The following IL1RAPL2 variants were observed in gnomAD, a reference collection of about 807,000 sequenced individuals.
IL1RAPL2 encodes the protein X-linked interleukin-1 receptor accessory protein-like 2.
Under a neutral mutation model 44.1 loss-of-function variants are expected in IL1RAPL2, and 3 were observed. That is an observed-to-expected ratio of 0.07 (90% CI 0.03 to 0.18). IL1RAPL2 has a LOEUF of 0.18. IL1RAPL2 is among the 10% of genes least tolerant of loss of function. The probability of loss-of-function intolerance (pLI) is 1.00; values close to 1 mark genes in which losing one functional copy is unlikely to be tolerated. For synonymous variants in IL1RAPL2, 181 were observed against 178.8 expected (o/e 1.01, Z -0.10); for missense variants, 391 against 496.4 (o/e 0.79, Z 2.02).
At chrX:104,976,044 CT>C (rs1394033595) in intron 2 of IL1RAPL2, among the ~76,000 whole-genome samples, 22 of 106,880 alleles carry the variant, frequency 2.1e-4, no homozygotes, top group South Asian at 8.0e-4. Flanking sequence ...CCATTTTCCT[CT>C]TTTTTTTTTA....
At chrX:105,554,103 C>A (rs1468986445) in intron 6 of IL1RAPL2, among the ~76,000 whole-genome samples, 1 of 112,515 alleles carries the variant, frequency 8.9e-6, no homozygotes, top group Non-Finnish European at 1.9e-5. Flanking sequence ...AGGGCCTATT[C>A]ATATTTCTGT....
At chrX:105,510,884 A>T (rs1414053911) in intron 6 of IL1RAPL2, among the ~76,000 whole-genome samples, 1 of 111,899 alleles carries the variant, frequency 8.9e-6, no homozygotes, top group African/African-American at 3.2e-5. Context: ...AGAACTGTGA[A>T]ACAATAAACT....
At chrX:105,165,132 G>A (rs951898058) in intron 2 of IL1RAPL2, among the ~76,000 whole-genome samples, 10 of 111,545 alleles carry the variant, frequency 9.0e-5, no homozygotes, top group African/African-American at 3.3e-4. Context: ...AGATTATTCT[G>A]CAAACCTTAG....
chrX:105,135,000 G>A (rs937151693), intron 2 of IL1RAPL2, among the ~76,000 whole-genome samples: 13 of 106,598 alleles, frequency 1.2e-4, no homozygotes, highest in Admixed American at 1.0e-3. Context: ...AGATGACAAA[G>A]GAGTGCTACT....
intron 2 of IL1RAPL2, among the ~76,000 whole-genome samples, chrX:104,898,944 A>G (rs1415358416): frequency 1.8e-5 from 2 of 112,479 alleles, no homozygotes; most frequent in Non-Finnish European, 3.8e-5. Flanking sequence ...ATAAGAATAT[A>G]CTTTTTACTG....
At chrX:105,693,153 A>G (rs1323359300) in intron 6 of IL1RAPL2, among the ~76,000 whole-genome samples, 1 of 111,771 alleles carries the variant, frequency 8.9e-6, no homozygotes, top group Admixed American at 9.5e-5. Context: ...AAAGGTGTTC[A>G]TGTCCTAATC....
intron 2 of IL1RAPL2, among the ~76,000 whole-genome samples, chrX:105,034,355 T>A (rs1391260649): frequency 8.9e-6 from 1 of 111,896 alleles, no homozygotes; most frequent in Non-Finnish European, 1.9e-5. Flanking sequence ...CTTTGTGGTT[T>A]TACCTACTTT....
At chrX:104,590,431 TCA>T (rs747171480) in intron 1 of IL1RAPL2, among the ~76,000 whole-genome samples, 37 of 111,396 alleles carry the variant, frequency 3.3e-4, no homozygotes, top group Non-Finnish European at 4.9e-4. Flanking sequence ...TTTTGAAAAA[TCA>T]CAGTTTCTTG....
At chrX:104,994,691 T>C (rs1216293615) in intron 2 of IL1RAPL2, among the ~76,000 whole-genome samples, 2 of 110,917 alleles carry the variant, frequency 1.8e-5, no homozygotes, top group Non-Finnish European at 3.8e-5. Context: ...GCTTTAAGGA[T>C]GTGCAATGAA....
intron 1 of IL1RAPL2, among the ~76,000 whole-genome samples, chrX:104,601,954 C>T (rs1229693083): frequency 8.9e-6 from 1 of 111,967 alleles, no homozygotes; most frequent in Admixed American, 9.5e-5. Context: ...TTTGTTACAG[C>T]ACTATTTATA....
intron 2 of IL1RAPL2, among the ~76,000 whole-genome samples, chrX:105,057,930 C>G: frequency 1.0e-5 from 1 of 99,359 alleles, no homozygotes; most frequent in Non-Finnish European, 2.0e-5. Flanking sequence ...TACAGGCATG[C>G]GCCACCACAC....
At chrX:105,477,713 A>G (rs1423988317) in intron 5 of IL1RAPL2, among the ~76,000 whole-genome samples, 4 of 111,667 alleles carry the variant, frequency 3.6e-5, no homozygotes, top group Non-Finnish European at 7.5e-5. Context: ...GCTATTCCCA[A>G]GTCTTTCTTC....
chrX:105,511,146 T>G, intron 6 of IL1RAPL2, among the ~76,000 whole-genome samples: 1 of 111,674 alleles, frequency 9.0e-6, no homozygotes. Context: ...TAAGCTTTAT[T>G]AGGCAGGCAA....
chrX:104,754,757 G>A (rs150796973), intron 2 of IL1RAPL2, among the ~76,000 whole-genome samples: 24 of 112,181 alleles, frequency 2.1e-4, no homozygotes, highest in South Asian at 7.3e-4. Flanking sequence ...TAAAATACTC[G>A]TGTGCAATGG....
chrX:105,058,137 G>C (rs988277223), intron 2 of IL1RAPL2, among the ~76,000 whole-genome samples: 1 of 109,838 alleles, frequency 9.1e-6, no homozygotes, highest in Non-Finnish European at 1.9e-5. Context: ...ATTTTCAGTA[G>C]AGATGGGGTT....
chrX:105,582,637 T>G (rs1412395459), intron 6 of IL1RAPL2, among the ~76,000 whole-genome samples: 1 of 110,788 alleles, frequency 9.0e-6, no homozygotes, highest in East Asian at 2.8e-4. Context: ...TAGCTGTAGA[T>G]TTTTTATATA....
At chrX:104,862,152 CCCTGAAAAGGCTGA>C (rs1922511025) in intron 2 of IL1RAPL2, among the ~76,000 whole-genome samples, 1 of 111,000 alleles carries the variant, frequency 9.0e-6, no homozygotes, top group Non-Finnish European at 1.9e-5. Context: ...TAAAAGATGT[CCCTGAAAAGGCTGA>C]CATAGGCTTG....
At position 105,149,574 on chromosome X, in the gene IL1RAPL2, A is replaced by G. The variant is rs775226153; in HGVS notation, c.83-45901A>G. Among the ~76,000 whole-genome samples, 5 of 111,531 alleles carry G rather than the reference A, an allele frequency of 4.5e-5. No homozygotes were observed. The East Asian group carries it at 8.5e-4, about 19-fold the overall frequency. ...TGGCCAGGTGTGGTGGCTCATGCCTATAATTCCAGCACTTTGGGAGGGCGA... is the reference window on the plus strand; with the variant it reads ...TGGCCAGGTGTGGTGGCTCATGCCTGTAATTCCAGCACTTTGGGAGGGCGA... On this transcript the variant is annotated intron_variant, in intron 2 of 10. Transcript: ENST00000372582.
intron 2 of IL1RAPL2, among the ~76,000 whole-genome samples, chrX:104,816,713 T>G (rs888130432): frequency 8.9e-6 from 1 of 111,874 alleles, no homozygotes; most frequent in African/African-American, 3.2e-5. Context: ...ATGGTTAAAT[T>G]TGGGGGCTCT....
Sources: gnomAD v4.1 joint callset for allele counts (sites outside exome capture counted in the v4.1 genomes callset) on GRCh38, gnomAD v4.1.1 for gene constraint, MANE v1.5 for transcripts, NCBI Gene and HGNC (gene_info 2026-07-23, HGNC 2026-07-21) for gene names.